Variants in GALNT13 observed in about 807,000 individuals in gnomAD.
GALNT13 encodes the protein polypeptide N-acetylgalactosaminyltransferase 13.
Under a neutral mutation model 64.2 loss-of-function variants are expected in GALNT13, and 28 were observed. The observed-to-expected ratio is 0.44, with a 90% CI of 0.32 to 0.60. The LOEUF (loss-of-function observed/expected upper bound fraction) is 0.60, where lower values mean the gene tolerates loss of function less well. GALNT13 is among the 20% of genes least tolerant of loss of function. GALNT13 has a pLI of 0.05. For synonymous variants in GALNT13, 214 were observed against 224.6 expected (o/e 0.95, Z 0.42); for missense variants, 577 against 669.8 (o/e 0.86, Z 1.53).
chr2:153,342,304 AC>A, the GALNT13 span, among the ~76,000 whole-genome samples: 98 of 152,232 alleles, frequency 6.4e-4, no homozygotes, highest in African/African-American at 2.3e-3. Flanking sequence ...TATAAGCTTA[AC>A]TTTTTTGGAT....
chr2:153,443,564 G>A, the GALNT13 span, among the ~76,000 whole-genome samples: 17 of 152,072 alleles, frequency 1.1e-4, no homozygotes, highest in Non-Finnish European at 2.4e-4. Context: ...TATTTTTTAT[G>A]TGCGGAGCAC....
the GALNT13 span, among the ~76,000 whole-genome samples, chr2:153,577,535 A>G: frequency 2.6e-5 from 4 of 152,218 alleles, no homozygotes; most frequent in Middle Eastern, 3.4e-3. Flanking sequence ...TGAGAGCATA[A>G]AATTCATCAT....
intron 4 of GALNT13, among the ~76,000 whole-genome samples, chr2:154,231,055 C>G (rs930665237): frequency 6.6e-6 from 1 of 152,102 alleles, no homozygotes. Flanking sequence ...TATCACACCA[C>G]CACTGAGGAG....
rs1363649644 is a variant in GALNT13, at chr2:154,277,440, A to G, written c.975+18302A>G. Among the ~76,000 whole-genome samples, 3 of 147,182 alleles carry G rather than the reference A, an allele frequency of 2.0e-5. No individual in the cohort carries two copies. In the East Asian group the frequency reaches 5.8e-4, roughly 28 times the overall value. Reference sequence around the variant, plus strand: ...CAATAAATGTGCAACATCTTAAGCTATGATTATATTGTCACACTTAGTGAT... The same window carrying G: ...CAATAAATGTGCAACATCTTAAGCTGTGATTATATTGTCACACTTAGTGAT... On this transcript the variant is annotated intron_variant, in intron 8 of 12. Transcript: ENST00000392825.
intron 12 of GALNT13, chr2:154,446,463 C>T: frequency 8.3e-7 from 1 of 1,209,740 alleles, no homozygotes; most frequent in Non-Finnish European, 1.1e-6. Context: ...TGACATGTGC[C>T]TTCCATCTTT....
intron 1 of GALNT13, among the ~76,000 whole-genome samples, chr2:153,875,506 A>C (rs1394390194): frequency 6.6e-6 from 1 of 152,192 alleles, no homozygotes; most frequent in Non-Finnish European, 1.5e-5. Flanking sequence ...CAGTTATGTC[A>C]GAGTGAACTA....
At chr2:153,826,179 T>C in the GALNT13 span, among the ~76,000 whole-genome samples, 1 of 152,192 alleles carries the variant, frequency 6.6e-6, no homozygotes, top group East Asian at 1.9e-4. Flanking sequence ...TATAGACTCC[T>C]TGCAGAGTTC....
intron 4 of GALNT13, among the ~76,000 whole-genome samples, chr2:154,206,558 G>T (rs1283695593): frequency 3.3e-5 from 5 of 151,846 alleles, no homozygotes. Context: ...ACTTTGGGAG[G>T]CCAAAGCAGG....
chr2:153,273,134 T>A, the GALNT13 span, among the ~76,000 whole-genome samples: 1 of 151,346 alleles, frequency 6.6e-6, no homozygotes, highest in African/African-American at 2.4e-5. Context: ...TGTCAGGGGG[T>A]GAGGGGCTAG....
chr2:153,276,272 A>T, the GALNT13 span, among the ~76,000 whole-genome samples: 49 of 152,166 alleles, frequency 3.2e-4, 1 homozygote, highest in African/African-American at 1.2e-3. Context: ...AAAGGTTTAT[A>T]CTTTCATTTA....
At chr2:153,556,492 C>T in the GALNT13 span, among the ~76,000 whole-genome samples, 3 of 152,118 alleles carry the variant, frequency 2.0e-5, no homozygotes, top group African/African-American at 4.8e-5. Flanking sequence ...AAAAAGATTT[C>T]CTTACTAATT....
the GALNT13 span, among the ~76,000 whole-genome samples, chr2:153,575,856 C>A: frequency 6.6e-6 from 1 of 152,252 alleles, no homozygotes; most frequent in Middle Eastern, 3.4e-3. Flanking sequence ...TGTGTCCATG[C>A]AGGTACTTGA....
At chr2:153,345,635 T>TTTTCTTTCTTTCTTTCTTTTTTCTTTC in the GALNT13 span, among the ~76,000 whole-genome samples, 4 of 68,806 alleles carry the variant, frequency 5.8e-5, no homozygotes, top group African/African-American at 1.6e-4. Flanking sequence ...TTTCCTTTCT[T>TTTTCTTTCTTTCTTTCTTTTTTCTTTC]TTTCTTTCTT....
At chr2:153,567,784 A>C in the GALNT13 span, among the ~76,000 whole-genome samples, 1 of 124,840 alleles carries the variant, frequency 8.0e-6, no homozygotes, top group East Asian at 2.8e-4. Flanking sequence ...TGTACAAAAA[A>C]GAACTGATTA....
chr2:154,199,954 C>T (rs914420654), intron 4 of GALNT13, among the ~76,000 whole-genome samples: 3 of 151,866 alleles, frequency 2.0e-5, no homozygotes, highest in Non-Finnish European at 2.9e-5. Flanking sequence ...AATTACCGAG[C>T]AAGAATTCCA....
chr2:153,675,985 A>G, the GALNT13 span, among the ~76,000 whole-genome samples: 1 of 152,136 alleles, frequency 6.6e-6, no homozygotes, highest in Non-Finnish European at 1.5e-5. Flanking sequence ...TCAGCCCCAA[A>G]GCTAGGAGAA....
At chr2:153,934,376 C>CT (rs1690750768) in intron 2 of GALNT13, among the ~76,000 whole-genome samples, 1 of 152,038 alleles carries the variant, frequency 6.6e-6, no homozygotes, top group Non-Finnish European at 1.5e-5. Flanking sequence ...ATATTTCCTG[C>CT]TTTTTTGTGT....
At chr2:153,604,601 G>A in the GALNT13 span, among the ~76,000 whole-genome samples, 2 of 151,938 alleles carry the variant, frequency 1.3e-5, no homozygotes, top group Admixed American at 1.3e-4. Context: ...ATACTTATTA[G>A]TTGGATTATA....
At chr2:153,564,034 T>C in the GALNT13 span, among the ~76,000 whole-genome samples, 1 of 152,134 alleles carries the variant, frequency 6.6e-6, no homozygotes, top group African/African-American at 2.4e-5. Context: ...GGATTTTTGA[T>C]AGTTTTGATA....
Sources: gnomAD v4.1 joint callset for allele counts (sites outside exome capture counted in the v4.1 genomes callset) on GRCh38, gnomAD v4.1.1 for gene constraint, MANE v1.5 for transcripts, NCBI Gene and HGNC (gene_info 2026-07-23, HGNC 2026-07-21) for gene names.